Variants in CARMIL1 observed in about 807,000 individuals in gnomAD.
The protein encoded by CARMIL1 is capping protein regulator and myosin 1 linker 1.
In CARMIL1, 90 loss-of-function variants were observed where a neutral mutation model predicts 177.1. The observed-to-expected ratio is 0.51, with a 90% CI of 0.43 to 0.61. The LOEUF is 0.61. Ranked by LOEUF, CARMIL1 falls within the 20% of genes least tolerant of loss-of-function variation. The pLI is 0.00. For missense variants in CARMIL1, 1,380 were observed against 1,667.0 expected (o/e 0.83, Z 3.00); for synonymous variants, 577 against 606.2 (o/e 0.95, Z 0.71).
chr6:25,387,693 A>G (rs1792318399), intron 2 of CARMIL1, among the ~76,000 whole-genome samples: 1 of 152,342 alleles, frequency 6.6e-6, no homozygotes. Flanking sequence ...AATGAGTGTG[A>G]GGAACTGAAA....
chr6:25,586,743 A>G (rs1206140369), intron 31 of CARMIL1, among the ~76,000 whole-genome samples: 2 of 152,200 alleles, frequency 1.3e-5, no homozygotes, highest in Non-Finnish European at 2.9e-5. Flanking sequence ...ACTCGCGGTC[A>G]GGAGCTGGAG....
chr6:25,470,923 C>T (rs570970969), intron 9 of CARMIL1, among the ~76,000 whole-genome samples: 3 of 152,212 alleles, frequency 2.0e-5, no homozygotes, highest in African/African-American at 7.2e-5. Context: ...AAACTCTGAC[C>T]ATAGCATTCT....
chr6:25,449,988 C>G lies in CARMIL1; in HGVS notation c.462C>G (p.Gly154=), dbSNP rs1430705364. Residue 154 remains glycine, a synonymous_variant, in exon 6 of 37, where the codon GGC becomes GGG. Transcript: ENST00000329474. ...ACAGCCAGACCGTGGCTGAGCAGGG[C>G]CCCTGTGGTGAGCATGCATTTTAAA... is the stretch of plus-strand genomic sequence containing the variant. The part of the protein sequence containing the change: ...LWDSQTVAEQ[G]PCGGFSQMYA... 2.5e-6 allele frequency: 4 copies of G among 1,601,900 alleles called. No individual in the cohort carries two copies. In the Admixed American group the frequency reaches 7.0e-5, roughly 28 times the overall value.
intron 4 of CARMIL1, among the ~76,000 whole-genome samples, 178 bp from the exon 5 acceptor site, chr6:25,435,305 T>C (rs941013752): frequency 2.4e-4 from 37 of 152,226 alleles, no homozygotes; most frequent in Admixed American, 2.0e-4. Flanking sequence ...ATGAGGGTGA[T>C]GGTTGGGTGT....
At chr6:25,297,104 T>C (rs1217641922) in intron 2 of CARMIL1, among the ~76,000 whole-genome samples, 1 of 152,214 alleles carries the variant, frequency 6.6e-6, no homozygotes, top group Non-Finnish European at 1.5e-5. Flanking sequence ...CAGCTCCTTT[T>C]CTTTTAAATC....
intron 2 of CARMIL1, among the ~76,000 whole-genome samples, chr6:25,335,060 G>A (rs141951360): frequency 2.6e-5 from 4 of 152,314 alleles, no homozygotes; most frequent in Non-Finnish European, 4.4e-5. Flanking sequence ...GAGCTAGTCT[G>A]GAGGAAAAAC....
intron 2 of CARMIL1, among the ~76,000 whole-genome samples, chr6:25,412,445 G>T (rs1256057433): frequency 2.0e-5 from 3 of 152,180 alleles, no homozygotes; most frequent in Non-Finnish European, 4.4e-5. Context: ...GCTGGGCATG[G>T]TGGCACATGC....
chr6:25,450,430 G>A (rs766131623), intron 7 of CARMIL1, 21 bp downstream of exon 7: 1 of 1,586,262 alleles, frequency 6.3e-7, no homozygotes, highest in Non-Finnish European at 8.7e-7. Context: ...CTGTGTACAT[G>A]TGCATGAGCA....
intron 5 of CARMIL1, among the ~76,000 whole-genome samples, chr6:25,441,813 C>G (rs1050906901): frequency 1.3e-5 from 2 of 152,094 alleles, no homozygotes; most frequent in Non-Finnish European, 2.9e-5. Flanking sequence ...GATGGCAGTT[C>G]TCTTCAGGAA....
At chr6:25,480,010 A>C (rs1235266740) in intron 11 of CARMIL1, among the ~76,000 whole-genome samples, 1 of 152,154 alleles carries the variant, frequency 6.6e-6, no homozygotes, top group African/African-American at 2.4e-5. Context: ...AACAGAGAAC[A>C]TACAAATATT....
At chr6:25,470,075 A>G (rs1383662723) in intron 9 of CARMIL1, among the ~76,000 whole-genome samples, 4 of 151,828 alleles carry the variant, frequency 2.6e-5, no homozygotes, top group Non-Finnish European at 4.4e-5. Context: ...TAATAGTTAT[A>G]TAACTACATA....
At chr6:25,364,103 A>G (rs80161994) in intron 2 of CARMIL1, among the ~76,000 whole-genome samples, 11,224 of 151,822 alleles carry the variant, frequency 0.074, 458 homozygotes, top group East Asian at 0.14. Flanking sequence ...GCACTACCAT[A>G]CCCATAATTT....
chr6:25,426,619 T>G, intron 4 of CARMIL1, 59 bp downstream of exon 4: 1 of 1,488,168 alleles, frequency 6.7e-7, no homozygotes, highest in Non-Finnish European at 9.3e-7. Flanking sequence ...CTTGAAACCC[T>G]AAAATGTTCC....
chr6:25,450,958 TCTCC>T (rs1307354959), intron 8 of CARMIL1, among the ~76,000 whole-genome samples: 13 of 17,324 alleles, frequency 7.5e-4, no homozygotes, highest in Non-Finnish European at 9.7e-4. Context: ...TCTCCTCTCC[TCTCC>T]TCTCTTCTCT....
intron 26 of CARMIL1, among the ~76,000 whole-genome samples, chr6:25,540,923 C>A (rs1405449873): frequency 6.6e-6 from 1 of 152,104 alleles, no homozygotes; most frequent in Non-Finnish European, 1.5e-5. Context: ...GGAGTTTAAT[C>A]CCCTGTCTTC....
intron 2 of CARMIL1, among the ~76,000 whole-genome samples, chr6:25,411,152 C>T (rs1034549205): frequency 1.3e-5 from 2 of 152,158 alleles, no homozygotes; most frequent in Non-Finnish European, 2.9e-5. Context: ...ATAAATATGA[C>T]AGTGATGACT....
At chr6:25,459,090 G>A (rs1016827573) in intron 8 of CARMIL1, among the ~76,000 whole-genome samples, 2 of 151,748 alleles carry the variant, frequency 1.3e-5, no homozygotes, top group South Asian at 4.2e-4. Context: ...TATTTTATCA[G>A]TTTTATGATG....
intron 2 of CARMIL1, among the ~76,000 whole-genome samples, chr6:25,410,681 C>A (rs1218486802): frequency 2.6e-5 from 4 of 152,156 alleles, no homozygotes; most frequent in Non-Finnish European, 4.4e-5. Context: ...ATTTGTTCCA[C>A]GAGGGCAGCC....
rs902624235 is a variant in CARMIL1, at chr6:25,563,234, A to G, written c.2742+6384A>G. On this transcript the variant is annotated intron_variant, in intron 29 of 36. Coordinates refer to ENST00000329474, the MANE Select transcript of CARMIL1 (RefSeq NM_017640.6). ...ATGCTTTTCAACATGCCATGATGAC[A>G]TTTGCATCAACGACGTTTCGTTTAT... 1.1e-5 allele frequency: 11 copies of G among 985,322 alleles called. No individual in the cohort carries two copies. In the African/African-American group the frequency reaches 1.9e-4, roughly 17 times the overall value. The allele number at this position is 985,322 out of a possible 1,614,324, so 61.0% of individuals were successfully genotyped here.
Sources: allele counts gnomAD v4.1 joint callset (sites outside exome capture counted in the v4.1 genomes callset), GRCh38; gene constraint gnomAD v4.1.1; transcripts MANE v1.5; gene names NCBI Gene and HGNC (gene_info 2026-07-23, HGNC 2026-07-21).